Variants in HECW2 observed in about 807,000 individuals in gnomAD.
HECW2 encodes HECT, C2 and WW domain containing E3 ubiquitin protein ligase 2.
Under a neutral mutation model 175.2 loss-of-function variants are expected in HECW2, and 61 were observed. The ratio of observed to expected loss-of-function variants is 0.35; its 90% CI spans 0.28 to 0.43. The LOEUF is 0.43. Among genes scored for constraint, HECW2 ranks in the 20% least tolerant of loss-of-function variants. HECW2 has a pLI of 1.00. For synonymous variants in HECW2, 671 were observed against 731.0 expected (o/e 0.92, Z 1.32); for missense variants, 1,524 against 2,000.5 (o/e 0.76, Z 4.54).
intron 1 of HECW2, among the ~76,000 whole-genome samples, chr2:196,461,628 C>T (rs1026633226): frequency 1.2e-4 from 18 of 152,032 alleles, no homozygotes; most frequent in African/African-American, 3.6e-4. Context: ...TTCAGTATGG[C>T]GGGGGAGGCC....
intron 2 of HECW2, among the ~76,000 whole-genome samples, chr2:196,418,004 G>C (rs1695300239): frequency 1.3e-5 from 2 of 152,130 alleles, no homozygotes; most frequent in South Asian, 4.1e-4. Context: ...TAAATTCCCA[G>C]TTGGAAATTT....
chr2:196,373,773 G>T (rs1372543985), intron 2 of HECW2, among the ~76,000 whole-genome samples: 1 of 152,164 alleles, frequency 6.6e-6, no homozygotes, highest in Non-Finnish European at 1.5e-5. Flanking sequence ...GCATGCTCAA[G>T]AAATATGTGC....
intron 1 of HECW2, among the ~76,000 whole-genome samples, chr2:196,469,101 CTGTGTGTGTGTGTGTGTGCGTGTGTG>C (rs1468093067): frequency 6.0e-4 from 79 of 130,778 alleles, no homozygotes; most frequent in African/African-American, 2.1e-3. Context: ...GTCACTGAAC[CTGTGTGTGTGTGTGTGTGCGTGTGTG>C]TGTGTGTGTG....
At chr2:196,504,121 C>T (rs1334923525) in intron 1 of HECW2, among the ~76,000 whole-genome samples, 1 of 151,982 alleles carries the variant, frequency 6.6e-6, no homozygotes, top group African/African-American at 2.4e-5. Flanking sequence ...CATAGTGTAA[C>T]CTCATCACCA....
chr2:196,370,837 A>T (rs1693887173), intron 2 of HECW2, among the ~76,000 whole-genome samples: 2 of 152,042 alleles, frequency 1.3e-5, no homozygotes, highest in African/African-American at 4.8e-5. Context: ...TCCCACAATC[A>T]CTGCATTCTC....
intron 13 of HECW2, among the ~76,000 whole-genome samples, chr2:196,305,525 T>A (rs900761822): frequency 6.6e-6 from 1 of 152,234 alleles, no homozygotes; most frequent in South Asian, 2.1e-4. Context: ...TTCTCTATGA[T>A]CTACTCTGTT....
intron 2 of HECW2, among the ~76,000 whole-genome samples, chr2:196,400,216 T>C (rs1056991586): frequency 3.3e-5 from 5 of 152,210 alleles, no homozygotes; most frequent in African/African-American, 4.8e-5. Context: ...GCCTTCACTA[T>C]GGGATTCTTG....
intron 28 of HECW2, among the ~76,000 whole-genome samples, chr2:196,203,900 A>C (rs1401765879): frequency 6.6e-6 from 1 of 152,118 alleles, no homozygotes; most frequent in African/African-American, 2.4e-5. Context: ...GGAAACCACC[A>C]TTCTACTTTG....
chr2:196,497,114 T>C (rs913018638), intron 1 of HECW2, among the ~76,000 whole-genome samples: 1 of 152,182 alleles, frequency 6.6e-6, no homozygotes, highest in Admixed American at 6.5e-5. Flanking sequence ...TTAAAAAGTA[T>C]ATCAAATTTT....
chr2:196,543,380 C>T (rs546822725), intron 1 of HECW2, among the ~76,000 whole-genome samples: 1 of 151,026 alleles, frequency 6.6e-6, no homozygotes, highest in African/African-American at 2.4e-5. Context: ...CCCAGAAAGA[C>T]AAATCTGGAA....
At chr2:196,241,562 G>A (rs1413868741) in intron 20 of HECW2, among the ~76,000 whole-genome samples, 3 of 152,144 alleles carry the variant, frequency 2.0e-5, no homozygotes, top group African/African-American at 7.2e-5. Context: ...AGTAGGGAAT[G>A]GAAACAATTC....
chr2:196,318,183 C>T (rs1357548352), intron 9 of HECW2, among the ~76,000 whole-genome samples: 3 of 152,218 alleles, frequency 2.0e-5, no homozygotes, highest in Admixed American at 6.5e-5. Context: ...TGCTGTTTAA[C>T]AGGCCTGTTA....
chr2:196,401,969 G>A (rs1417292570), intron 2 of HECW2, among the ~76,000 whole-genome samples: 1 of 152,070 alleles, frequency 6.6e-6, no homozygotes, highest in African/African-American at 2.4e-5. Context: ...GGGAGGCTGA[G>A]GCGGGCGGAT....
intron 1 of HECW2, among the ~76,000 whole-genome samples, chr2:196,464,838 G>A (rs1399537992): frequency 5.3e-5 from 8 of 152,096 alleles, no homozygotes; most frequent in South Asian, 2.1e-4. Flanking sequence ...TCAGGAGTTC[G>A]AGACCAGCCT....
At chr2:196,371,508 G>T (rs770565859) in intron 2 of HECW2, among the ~76,000 whole-genome samples, 1 of 152,246 alleles carries the variant, frequency 6.6e-6, no homozygotes, top group Non-Finnish European at 1.5e-5. Context: ...ATGGGTAAGT[G>T]CTGGTCCATG....
chr2:196,273,508 T>C (rs1689826553), intron 16 of HECW2, among the ~76,000 whole-genome samples: 1 of 152,224 alleles, frequency 6.6e-6, no homozygotes. Flanking sequence ...CAAGTTGTTT[T>C]TCAGGCCTTT....
Position 196,200,570 on chromosome 2 carries a change from A to G in HECW2, c.*707T>C, listed in dbSNP as rs541001090. 1 of 152,748 alleles carries G rather than the reference A, an allele frequency of 6.5e-6. No homozygotes were observed. 9.5% of individuals were successfully genotyped at this position (152,748 alleles called of 1,614,324 possible). A position where few individuals can be genotyped will look rare whatever the true frequency, so the allele number is the denominator to read the frequency against. The stretch of plus-strand genomic sequence containing the variant: ...TGTGATTAATTGCTAGTTATTTTAA[A>G]ATTGTTTTCATGCATTATAAAGCAT... On this transcript the variant is annotated 3_prime_UTR_variant, in exon 29 of 29. Transcript: ENST00000644978.
chr2:196,499,061 C>T (rs1462015101), intron 1 of HECW2, among the ~76,000 whole-genome samples: 1 of 152,096 alleles, frequency 6.6e-6, no homozygotes, highest in Non-Finnish European at 1.5e-5. Context: ...CCTTGAAAAA[C>T]CCTAGCCTCA....
intron 3 of HECW2, among the ~76,000 whole-genome samples, chr2:196,341,876 T>C (rs1416765998): frequency 6.6e-6 from 1 of 152,220 alleles, no homozygotes; most frequent in Non-Finnish European, 1.5e-5. Flanking sequence ...TAACAGATGT[T>C]AACCTTTTAA....
Sources: allele counts gnomAD v4.1 joint callset (sites outside exome capture counted in the v4.1 genomes callset), GRCh38; gene constraint gnomAD v4.1.1; transcripts MANE v1.5; gene names NCBI Gene and HGNC (gene_info 2026-07-23, HGNC 2026-07-21).